EXOC6: variants seen among roughly 807,000 people sequenced by gnomAD.
The protein encoded by EXOC6 is SEC15-like 1.
Under a neutral mutation model 112.5 loss-of-function variants are expected in EXOC6, and 60 were observed. The ratio of observed to expected loss-of-function variants is 0.53; its 90% CI spans 0.43 to 0.66. EXOC6 has a LOEUF of 0.66. Among genes scored for constraint, EXOC6 ranks in the 30% least tolerant of loss-of-function variants. EXOC6 has a pLI of 0.00. For missense variants in EXOC6, 855 were observed against 957.1 expected, an observed-to-expected ratio of 0.89 and a Z score of 1.41; for synonymous variants, 295 against 308.0, an observed-to-expected ratio of 0.96 and a Z score of 0.44.
intron 1 of EXOC6, among the ~76,000 whole-genome samples, chr10:92,857,893 G>A (rs1847683411): frequency 6.6e-6 from 1 of 151,714 alleles, no homozygotes; most frequent in South Asian, 2.1e-4. Flanking sequence ...AGGCTGGTCT[G>A]CTTGAAACTA....
At chr10:92,938,849 G>A (rs751178712) in intron 12 of EXOC6, among the ~76,000 whole-genome samples, 10 of 152,100 alleles carry the variant, frequency 6.6e-5, no homozygotes, top group Non-Finnish European at 1.0e-4. Context: ...GCTTGCAGAA[G>A]GTGGAATAAC....
At position 92,898,267 on chromosome 10, in the gene EXOC6, A is replaced by AT. The variant is rs902113217; in HGVS notation, c.413-1330dup. ...GTCCCTGTCTCTACAGAAAATTAAA[A>AT]TTAAAAAAAAAAAAATTAGCCAGCT... is the stretch of plus-strand genomic sequence containing the variant. On this transcript the variant is annotated intron_variant, in intron 4 of 21. Transcript: ENST00000260762. 8.0e-4 allele frequency among the ~76,000 whole-genome samples: 46 copies of AT among 57,564 alleles called. No individual in the cohort carries two copies. In the South Asian group the frequency reaches 0.025, roughly 32 times the overall value. 37.8% of individuals were successfully genotyped at this position (57,564 alleles called of 152,430 possible).
At position 93,058,382 on chromosome 10, in the gene EXOC6, A is replaced by G. The variant is rs746975295; in HGVS notation, c.*27A>G. 1 of 1,558,022 alleles carries G rather than the reference A, an allele frequency of 6.4e-7. No homozygotes were observed. The highest frequency in any genetic ancestry group is 2.2e-5 in the Admixed American group (1 of 45,974). ...CCTCACATGGCTTGCACTCAGTGAC[A>G]CCAAATCCATGATTCAATGTTGATC... On this transcript the variant is annotated 3_prime_UTR_variant, in exon 22 of 22. Transcript: ENST00000260762.
intron 9 of EXOC6, among the ~76,000 whole-genome samples, chr10:92,930,948 C>A (rs1851992976): frequency 6.6e-6 from 1 of 151,768 alleles, no homozygotes; most frequent in African/African-American, 2.4e-5. Context: ...CCCGTCTCTA[C>A]TAAAAATACA....
intron 1 of EXOC6, among the ~76,000 whole-genome samples, chr10:92,840,049 C>T (rs553590866): frequency 1.3e-5 from 2 of 150,842 alleles, no homozygotes; most frequent in East Asian, 2.0e-4. Context: ...TAAGAGCAAA[C>T]AGGATATCAT....
At chr10:92,840,700 T>C (rs1846816128) in intron 1 of EXOC6, among the ~76,000 whole-genome samples, 1 of 151,996 alleles carries the variant, frequency 6.6e-6, no homozygotes, top group African/African-American at 2.4e-5. Flanking sequence ...GTCTGTCTCT[T>C]GTCAGTCAGG....
chr10:93,008,644 C>T (rs947031713), intron 19 of EXOC6, among the ~76,000 whole-genome samples: 4 of 152,146 alleles, frequency 2.6e-5, no homozygotes, highest in Non-Finnish European at 5.9e-5. Flanking sequence ...TTAAAATTGA[C>T]CCCATGAATT....
intron 17 of EXOC6, among the ~76,000 whole-genome samples, chr10:92,965,428 A>C (rs930301422): frequency 6.6e-6 from 1 of 152,142 alleles, no homozygotes; most frequent in African/African-American, 2.4e-5. Context: ...TTTCCTTAAC[A>C]AACAAAGGAA....
chr10:92,910,669 A>G (rs892155656), intron 6 of EXOC6, among the ~76,000 whole-genome samples: 9 of 152,190 alleles, frequency 5.9e-5, no homozygotes, highest in African/African-American at 2.2e-4. Context: ...GGTGGCTCAC[A>G]CCTGTAATCC....
intron 19 of EXOC6, among the ~76,000 whole-genome samples, chr10:93,000,043 TA>T (rs1389945476): frequency 1.3e-5 from 2 of 152,194 alleles, no homozygotes; most frequent in Admixed American, 1.3e-4. Flanking sequence ...CATAGGTATA[TA>T]TGTATGTATG....
intron 14 of EXOC6, among the ~76,000 whole-genome samples, chr10:92,951,700 T>C (rs112294410): frequency 0.011 from 1,721 of 152,332 alleles, 19 homozygotes; most frequent in Non-Finnish European, 0.017. Context: ...CATAATGACT[T>C]ACAAAGTAGT....
chr10:92,930,814 C>T (rs1372286228), intron 9 of EXOC6, among the ~76,000 whole-genome samples: 2 of 151,810 alleles, frequency 1.3e-5, no homozygotes, highest in African/African-American at 2.4e-5. Context: ...TTCTGCTTTT[C>T]AAAAGGTGTT....
At chr10:93,001,474 C>G (rs555788020) in intron 19 of EXOC6, among the ~76,000 whole-genome samples, 2 of 152,150 alleles carry the variant, frequency 1.3e-5, no homozygotes, top group African/African-American at 4.8e-5. Context: ...CTTAATAGAC[C>G]TAGTTCTACC....
chr10:93,007,948 C>T lies in EXOC6; in HGVS notation c.2096-6246C>T, dbSNP rs573146265. On this transcript the variant is annotated intron_variant, in intron 19 of 21. Coordinates refer to ENST00000260762, the MANE Select transcript of EXOC6 (RefSeq NM_019053.6). ...CAGCACTTTGGGAGGCCAAGGTGGG[C>T]GGATCACCTGAGGTCAGGAGTTTGA... Among the ~76,000 whole-genome samples the T allele has an allele frequency of 5.7e-4, 87 of 151,968 alleles. 2 individuals are homozygous for T. The highest frequency in any genetic ancestry group is 2.0e-3 in the African/African-American group (83 of 41,464).
At chr10:92,827,539 A>C (rs562761759) in intron 1 of EXOC6, among the ~76,000 whole-genome samples, 1 of 147,746 alleles carries the variant, frequency 6.8e-6, no homozygotes, top group African/African-American at 2.5e-5. Context: ...GAGGAAGTGC[A>C]AAATACCTGT....
rs914132771 is a variant in EXOC6, at chr10:92,910,790, A to G, written c.663+1159A>G. ...TAAAAATACAAAAAATTAGCCAGGCATGGTGGCGGGCACCTGTAGTCCCAG... is the reference window on the plus strand; with the variant it reads ...TAAAAATACAAAAAATTAGCCAGGCGTGGTGGCGGGCACCTGTAGTCCCAG... On this transcript the variant is annotated intron_variant, in intron 6 of 21. Transcript: ENST00000260762. Among the ~76,000 whole-genome samples the G allele has an allele frequency of 8.5e-5, 13 of 152,172 alleles. No individual in the cohort carries two copies. In the East Asian group the frequency reaches 1.2e-3, roughly 14 times the overall value.
At chr10:92,842,119 G>A (rs1846877318) in intron 1 of EXOC6, among the ~76,000 whole-genome samples, 1 of 152,132 alleles carries the variant, frequency 6.6e-6, no homozygotes, top group Admixed American at 6.5e-5. Context: ...CCACCACTTT[G>A]GGAGGCCGAG....
chr10:92,901,474 T>C (rs553253643), intron 5 of EXOC6: 6 of 151,866 alleles, frequency 4.0e-5, no homozygotes, highest in Non-Finnish European at 8.8e-5. Context: ...AAATATATTA[T>C]AATTTATTAT....
chr10:92,916,416 A>T (rs1385811219), intron 7 of EXOC6, among the ~76,000 whole-genome samples: 1 of 152,184 alleles, frequency 6.6e-6, no homozygotes, highest in East Asian at 1.9e-4. Flanking sequence ...AAGCTGAGAC[A>T]TGAGAATTGC....
Sources: gnomAD v4.1 joint callset for allele counts (sites outside exome capture counted in the v4.1 genomes callset) on GRCh38, gnomAD v4.1.1 for gene constraint, MANE v1.5 for transcripts, NCBI Gene and HGNC (gene_info 2026-07-23, HGNC 2026-07-21) for gene names.